The following HHIPL2 variants were observed in gnomAD, a reference collection of about 807,000 sequenced individuals.
The protein encoded by HHIPL2 is HHIP like 2.
Under a neutral mutation model 61.0 loss-of-function variants are expected in HHIPL2, and 61 were observed. The ratio of observed to expected loss-of-function variants is 1.00; its 90% CI spans 0.81 to 1.24. The LOEUF is 1.24. Ranked by LOEUF, HHIPL2 falls within the 50% of genes most tolerant of loss-of-function variation. HHIPL2 has a pLI of 0.00. For synonymous variants in HHIPL2, 343 were observed against 357.4 expected, an observed-to-expected ratio of 0.96 and a Z score of 0.45; for missense variants, 885 against 910.2, an observed-to-expected ratio of 0.97 and a Z score of 0.36.
rs746625645 is a variant in HHIPL2, at chr1:222,523,595, C to T, written c.1888+17G>A. The T allele has an allele frequency of 1.9e-6, 3 of 1,613,298 alleles. No individual in the cohort carries two copies. Among genetic ancestry groups the T allele is most frequent in the Admixed American group, 1.7e-5 (1 of 60,020 alleles). Reference sequence around the variant, plus strand: ...TCCACACCAAGGCCTGAGCCTAAGACTCAAAGATGGACTCACTGGCGAGTG... The same window carrying T: ...TCCACACCAAGGCCTGAGCCTAAGATTCAAAGATGGACTCACTGGCGAGTG... On this transcript the variant is annotated intron_variant, in intron 8 of 8. Transcript: ENST00000343410.
chr1:222,532,166 T>G, intron 5 of HHIPL2, 55 bp from the exon 6 acceptor site: 1 of 1,495,728 alleles, frequency 6.7e-7, no homozygotes, highest in Non-Finnish European at 9.1e-7. Flanking sequence ...CTCTGCAGAA[T>G]ACTTTTTCTC....
At chr1:222,533,510 G>T (rs1415943013) in intron 5 of HHIPL2, among the ~76,000 whole-genome samples, 2 of 152,158 alleles carry the variant, frequency 1.3e-5, no homozygotes, top group Non-Finnish European at 2.9e-5. Flanking sequence ...TCTAGTAAGT[G>T]ATGATAAAGG....
chr1:222,538,706 G>C lies in HHIPL2; in HGVS notation c.1519C>G (p.Arg507Gly). ...GKSVTGGYVYRGCESPNLNGL... is the reference protein window; with the variant it reads ...GKSVTGGYVYGGCESPNLNGL... ...TTGAGATTTGGGGATTCACAACCAC[G>C]ATAGACATAACCTCCAGTGACTGAC... Residue 507 changes from arginine (R) to glycine (G), a missense_variant, in exon 5 of 9, where the codon CGT becomes GGT. Physicochemically the swap from Arg to Gly is moderately radical, Grantham distance 125 (BLOSUM62 -2). Transcript: ENST00000343410. 6.2e-7 allele frequency: 1 copy of C among 1,613,848 alleles called. No individual in the cohort carries two copies.
intron 5 of HHIPL2, among the ~76,000 whole-genome samples, chr1:222,534,228 G>A (rs1304252886): frequency 2.6e-5 from 4 of 152,144 alleles, no homozygotes; most frequent in Admixed American, 2.6e-4. Flanking sequence ...AAAATATCCA[G>A]CACCTACTAA....
intron 1 of HHIPL2, among the ~76,000 whole-genome samples, chr1:222,547,321 C>T (rs966747786): frequency 2.0e-5 from 3 of 152,200 alleles, no homozygotes; most frequent in African/African-American, 4.8e-5. Flanking sequence ...GCAGATGCCA[C>T]CACTCCCTCC....
intron 6 of HHIPL2, among the ~76,000 whole-genome samples, chr1:222,529,482 T>G (rs958933): frequency 2.0e-5 from 3 of 152,018 alleles, no homozygotes; most frequent in African/African-American, 7.3e-5. Context: ...ATGCCTATAC[T>G]GGACTGCAGT....
In HHIPL2 at chr1:222,539,991, C is replaced by G; in HGVS notation, c.1450+19G>C. ...CACTCAACTCATCCAAGAAATCACC[C>G]AGAGAGCTTCTTACTTACCCAAAGA... On this transcript the variant is annotated intron_variant, in intron 4 of 8. Transcript: ENST00000343410. 1 of 1,602,068 alleles carries G rather than the reference C, an allele frequency of 6.2e-7. No individual in the cohort carries two copies. The highest frequency in any genetic ancestry group is 8.5e-7 in the Non-Finnish European group (1 of 1,171,242).
chr1:222,532,110 G>A lies in HHIPL2; in HGVS notation c.1579C>T (p.Arg527Ter), dbSNP rs779253171. The stretch of plus-strand genomic sequence containing the variant: ...CTATCTTCCTGCAAAGCCATAAGTC[G>A]ACTAGACAAAAAATAAACCCTTATG... ...LYIFGDFMSG[R>*]LMALQEDRKN... The change falls in exon 6 of 9, where the codon CGA becomes TGA. Residue 527 changes from arginine to a stop codon, truncating the protein, a stop_gained and splice_region_variant. Coordinates refer to ENST00000343410, the MANE Select transcript of HHIPL2 (RefSeq NM_024746.4). LOFTEE classifies it high-confidence loss of function. 1.7e-5 allele frequency: 27 copies of A among 1,609,382 alleles called. No individual in the cohort carries two copies. Among genetic ancestry groups the A allele is most frequent in the Non-Finnish European group, 2.2e-5 (26 of 1,178,048 alleles).
intron 2 of HHIPL2, among the ~76,000 whole-genome samples, chr1:222,542,965 T>A (rs924618400): frequency 5.9e-5 from 9 of 152,146 alleles, no homozygotes; most frequent in Non-Finnish European, 1.2e-4. Context: ...GGTTAATCTA[T>A]CAGTTCTTTA....
rs773193735 is a variant in HHIPL2, at chr1:222,523,705, A to C, written c.1806-11T>G. ...CCTGGGGGTGCTCGCCTAAAAACACAAACAGAAAGCATGAGGACGCAAGAC... is the reference window on the plus strand; with the variant it reads ...CCTGGGGGTGCTCGCCTAAAAACACCAACAGAAAGCATGAGGACGCAAGAC... On this transcript the variant is annotated splice_polypyrimidine_tract_variant and intron_variant, in intron 7 of 8. Transcript: ENST00000343410. 1.2e-6 allele frequency: 2 copies of C among 1,613,954 alleles called. No individual in the cohort carries two copies. The highest frequency in any genetic ancestry group is 4.5e-5 in the East Asian group (2 of 44,884).
At chr1:222,535,808 G>A (rs67815740) in intron 5 of HHIPL2, among the ~76,000 whole-genome samples, 12,813 of 151,950 alleles carry the variant, frequency 0.084, 578 homozygotes, top group African/African-American at 0.12. Context: ...TATGTTCTGG[G>A]ACCACAGTAA....
In HHIPL2 at chr1:222,531,434, T is replaced by C. The variant is rs1315591455; in HGVS notation, c.1723+532A>G. Among the ~76,000 whole-genome samples the C allele has an allele frequency of 2.6e-5, 4 of 152,322 alleles. No individual in the cohort carries two copies. The East Asian group carries it at 5.8e-4, about 22-fold the overall frequency. ...TTGGCATATTCAGTCTGTTTCTTCA[T>C]TGGTGAAACGAGCATTATAATTACA... is the stretch of plus-strand genomic sequence containing the variant. On this transcript the variant is annotated intron_variant, in intron 6 of 8. Coordinates refer to ENST00000343410, the MANE Select transcript of HHIPL2 (RefSeq NM_024746.4).
At chr1:222,531,766 A>G (rs1299772803) in intron 6 of HHIPL2, among the ~76,000 whole-genome samples, 200 bp downstream of exon 6, 1 of 152,192 alleles carries the variant, frequency 6.6e-6, no homozygotes, top group East Asian at 1.9e-4. Context: ...AAATAATTAT[A>G]TCGTGGGGGT....
chr1:222,539,584 G>A (rs1659383316), intron 4 of HHIPL2, among the ~76,000 whole-genome samples: 1 of 150,452 alleles, frequency 6.6e-6, no homozygotes, highest in South Asian at 2.1e-4. Flanking sequence ...AAAAGAAAGT[G>A]TCCTCTTACT....
At chr1:222,525,639 A>G (rs1483650124) in intron 7 of HHIPL2, among the ~76,000 whole-genome samples, 1 of 152,212 alleles carries the variant, frequency 6.6e-6, no homozygotes, top group Non-Finnish European at 1.5e-5. Context: ...TTTCTTCTGC[A>G]TGTCTATCTG....
At chr1:222,544,216 C>T in intron 1 of HHIPL2, 27 bp from the exon 2 acceptor site, 1 of 1,587,010 alleles carries the variant, frequency 6.3e-7, no homozygotes, top group Non-Finnish European at 8.6e-7. Flanking sequence ...AGCTCAGGCT[C>T]AGCATCAGAC....
intron 4 of HHIPL2, 140 bp downstream of exon 4, chr1:222,539,870 G>T: frequency 1.5e-6 from 1 of 685,620 alleles, no homozygotes. Flanking sequence ...AGGACCGGTT[G>T]GAGAAGCACT....
intron 8 of HHIPL2, among the ~76,000 whole-genome samples, 193 bp downstream of exon 8, chr1:222,523,419 A>G (rs1176216533): frequency 2.0e-5 from 3 of 152,190 alleles, no homozygotes; most frequent in Non-Finnish European, 4.4e-5. Flanking sequence ...ACGAATAACT[A>G]GAGGAAACCG....
chr1:222,545,768 C>T (rs553997835), intron 1 of HHIPL2, among the ~76,000 whole-genome samples: 1 of 152,164 alleles, frequency 6.6e-6, no homozygotes, highest in South Asian at 2.1e-4. Flanking sequence ...CAGTAGCTCA[C>T]GCCTGTAATC....
Sources: gnomAD v4.1 joint callset for allele counts (sites outside exome capture counted in the v4.1 genomes callset) on GRCh38, gnomAD v4.1.1 for gene constraint, MANE v1.5 for transcripts, NCBI Gene and HGNC (gene_info 2026-07-23, HGNC 2026-07-21) for gene names.